CSGALNACT1: variants seen among roughly 807,000 people sequenced by gnomAD.
CSGALNACT1 encodes beta4GalNAcT-1.
In CSGALNACT1, 52 loss-of-function variants were observed where a neutral mutation model predicts 51.0. That is an observed-to-expected ratio of 1.02 (90% confidence interval 0.82 to 1.29). The LOEUF is 1.29. Among genes scored for constraint, CSGALNACT1 ranks in the 50% most tolerant of loss-of-function variants. CSGALNACT1 has a pLI of 0.00. For synonymous variants in CSGALNACT1, 341 were observed against 254.4 expected, an observed-to-expected ratio of 1.34 and a Z score of -3.24; for missense variants, 935 against 679.2, an observed-to-expected ratio of 1.38 and a Z score of -4.19.
chr8:19,466,242 C>A (rs900803709), intron 4 of CSGALNACT1, among the ~76,000 whole-genome samples: 1 of 152,222 alleles, frequency 6.6e-6, no homozygotes, highest in Non-Finnish European at 1.5e-5. Context: ...GTCAGGCAAC[C>A]AACTGACAGA....
At chr8:19,455,074 G>A (rs1211258187) in intron 5 of CSGALNACT1, among the ~76,000 whole-genome samples, 3 of 152,196 alleles carry the variant, frequency 2.0e-5, no homozygotes, top group Non-Finnish European at 4.4e-5. Context: ...TGCCCAAAGT[G>A]ATGTTCAACT....
chr8:19,692,375 A>G (rs2061376402), intron 1 of CSGALNACT1, among the ~76,000 whole-genome samples: 1 of 152,192 alleles, frequency 6.6e-6, no homozygotes, highest in Non-Finnish European at 1.5e-5. Context: ...TACTGTCTTA[A>G]AGCATAGTTA....
chr8:19,648,383 A>T (rs1163038129), intron 1 of CSGALNACT1, among the ~76,000 whole-genome samples: 1 of 152,166 alleles, frequency 6.6e-6, no homozygotes, highest in Non-Finnish European at 1.5e-5. Context: ...GTGAAGAGCA[A>T]TTCATCAATA....
intron 1 of CSGALNACT1, among the ~76,000 whole-genome samples, chr8:19,674,681 A>G (rs1413929664): frequency 4.6e-5 from 7 of 152,152 alleles, no homozygotes; most frequent in African/African-American, 1.7e-4. Flanking sequence ...GACAGAATCT[A>G]ACTTACCTTC....
chr8:19,755,201 G>C (rs1405555791), intron 1 of CSGALNACT1, among the ~76,000 whole-genome samples: 1 of 152,022 alleles, frequency 6.6e-6, no homozygotes, highest in Non-Finnish European at 1.5e-5. Context: ...GCAACATGAA[G>C]ATTGGTAAGT....
intron 1 of CSGALNACT1, among the ~76,000 whole-genome samples, chr8:19,670,828 G>C (rs1046840246): frequency 6.6e-6 from 1 of 152,090 alleles, no homozygotes; most frequent in African/African-American, 2.4e-5. Context: ...GGCACAAGTA[G>C]CTTTTGGCCC....
At chr8:19,561,809 G>A (rs1482630793) in intron 3 of CSGALNACT1, among the ~76,000 whole-genome samples, 2 of 152,202 alleles carry the variant, frequency 1.3e-5, no homozygotes, top group Non-Finnish European at 2.9e-5. Flanking sequence ...AGTGGAAGCA[G>A]CAGTGATTAC....
At chr8:19,493,239 G>T (rs1034781763) in intron 4 of CSGALNACT1, among the ~76,000 whole-genome samples, 2 of 152,046 alleles carry the variant, frequency 1.3e-5, no homozygotes, top group Non-Finnish European at 2.9e-5. Flanking sequence ...GGAGCTCTTC[G>T]GTCACCTCAA....
chr8:19,658,555 G>A (rs565111607), intron 1 of CSGALNACT1, among the ~76,000 whole-genome samples: 1 of 152,234 alleles, frequency 6.6e-6, no homozygotes, highest in Admixed American at 6.5e-5. Context: ...CCAACATGGA[G>A]AAACCCCATC....
intron 1 of CSGALNACT1, among the ~76,000 whole-genome samples, chr8:19,689,151 C>T (rs779522946): frequency 2.4e-4 from 36 of 152,164 alleles, no homozygotes; most frequent in Non-Finnish European, 4.4e-4. Context: ...AGGAGTACAG[C>T]ACAGCAGTAG....
At chr8:19,618,463 A>G (rs1310776596) in intron 1 of CSGALNACT1, among the ~76,000 whole-genome samples, 1 of 151,746 alleles carries the variant, frequency 6.6e-6, no homozygotes, top group Admixed American at 6.6e-5. Context: ...CAACATGGTG[A>G]AGTCACAACT....
intron 6 of CSGALNACT1, among the ~76,000 whole-genome samples, chr8:19,433,134 C>A (rs1392655390): frequency 6.6e-6 from 1 of 152,168 alleles, no homozygotes; most frequent in African/African-American, 2.4e-5. Context: ...AGTCTCAATT[C>A]TTTATTGTGC....
In CSGALNACT1 at chr8:19,740,932, A is replaced by G. The variant is rs376871090; in HGVS notation, c.-297+16918T>C. On this transcript the variant is annotated intron_variant, in intron 1 of 1. Transcript: ENST00000517494. ...TGTATTCACAATTTATAAATTTAAAACTAAGCAAAAGAAGAGACACAAGAT... is the reference window on the plus strand; with the variant it reads ...TGTATTCACAATTTATAAATTTAAAGCTAAGCAAAAGAAGAGACACAAGAT... Among the ~76,000 whole-genome samples, 14 of 152,360 alleles carry G rather than the reference A, an allele frequency of 9.2e-5. No homozygotes were observed. In the East Asian group the frequency reaches 2.7e-3, roughly 29 times the overall value.
intron 2 of CSGALNACT1, among the ~76,000 whole-genome samples, chr8:19,600,535 G>A (rs1423402038): frequency 1.3e-5 from 2 of 152,116 alleles, no homozygotes; most frequent in Admixed American, 1.3e-4. Flanking sequence ...CCCAAGATTA[G>A]GACAGTTCCA....
intron 3 of CSGALNACT1, among the ~76,000 whole-genome samples, chr8:19,557,541 A>C (rs2039740760): frequency 1.3e-5 from 2 of 152,100 alleles, no homozygotes; most frequent in South Asian, 4.1e-4. Flanking sequence ...ACACAGGCCT[A>C]TTCGTTGTTT....
intron 3 of CSGALNACT1, among the ~76,000 whole-genome samples, chr8:19,567,593 A>G (rs2042151658): frequency 6.6e-6 from 1 of 152,206 alleles, no homozygotes. Context: ...CACTACCATC[A>G]CTTTTCTTAA....
intron 1 of CSGALNACT1, among the ~76,000 whole-genome samples, chr8:19,620,884 G>A (rs914665897): frequency 6.6e-6 from 1 of 152,144 alleles, no homozygotes; most frequent in Non-Finnish European, 1.5e-5. Flanking sequence ...AGCATCAGAG[G>A]GAACATGGAT....
chr8:19,404,780 G>A, exon 10 of CSGALNACT1: 1 of 454,490 alleles, frequency 2.2e-6, no homozygotes, highest in South Asian at 1.6e-5. Flanking sequence ...TGACTTTTAG[G>A]TACATCACGA....
chr8:19,649,730 T>C (rs2057606323), intron 1 of CSGALNACT1, among the ~76,000 whole-genome samples: 1 of 146,062 alleles, frequency 6.8e-6, no homozygotes, highest in African/African-American at 2.5e-5. Context: ...GTTCGTTTAC[T>C]ACAGATTAGC....
Sources: gnomAD v4.1 joint callset for allele counts (sites outside exome capture counted in the v4.1 genomes callset) on GRCh38, gnomAD v4.1.1 for gene constraint, MANE v1.5 for transcripts, NCBI Gene and HGNC (gene_info 2026-07-23, HGNC 2026-07-21) for gene names.